GLIS3: variants seen among roughly 807,000 people sequenced by gnomAD.
GLIS3 encodes the protein GLIS family zinc finger 3.
A neutral mutation model predicts 78.6 loss-of-function variants in GLIS3; 53 were observed. The observed-to-expected ratio is 0.67, with a 90% CI of 0.54 to 0.85. GLIS3 has a LOEUF of 0.85. Among genes scored for constraint, GLIS3 ranks in the 40% least tolerant of loss-of-function variants. The pLI is 0.00. For synonymous variants in GLIS3, 684 were observed against 509.9 expected (o/e 1.34, Z -4.60); for missense variants, 1,703 against 1,231.1 (o/e 1.38, Z -5.74).
At position 4,125,955 on chromosome 9, in the gene GLIS3, A is replaced by T. The variant is rs1243894565; in HGVS notation, c.389-14T>A. ...AGCCAAGAGCCCCTAAAAACAAATG[A>T]ATCAGGTTAGCTTTCATGTCCCTTA... is the stretch of plus-strand genomic sequence containing the variant. On this transcript the variant is annotated splice_polypyrimidine_tract_variant and intron_variant, in intron 2 of 10. Coordinates refer to ENST00000381971, the MANE Select transcript of GLIS3 (RefSeq NM_001042413.2). 1.2e-6 allele frequency: 2 copies of T among 1,605,960 alleles called. No homozygotes were observed. Among genetic ancestry groups the T allele is most frequent in the East Asian group, 4.5e-5 (2 of 44,840 alleles).
intron 2 of GLIS3, among the ~76,000 whole-genome samples, chr9:4,207,964 G>C (rs1326595707): frequency 6.6e-6 from 1 of 152,166 alleles, no homozygotes; most frequent in Non-Finnish European, 1.5e-5. Flanking sequence ...CTGGAACCAC[G>C]TTGGGGGTAG....
chr9:4,322,246 T>C (rs906928406), intron 2 of GLIS3, among the ~76,000 whole-genome samples: 3 of 152,210 alleles, frequency 2.0e-5, no homozygotes, highest in Non-Finnish European at 4.4e-5. Flanking sequence ...CCATGGTGTA[T>C]ATGTGCCACA....
chr9:4,382,657 C>T, the GLIS3 span, among the ~76,000 whole-genome samples: 1 of 152,176 alleles, frequency 6.6e-6, no homozygotes, highest in Non-Finnish European at 1.5e-5. Flanking sequence ...AGGCCCTTCT[C>T]CTTGTCCTAA....
intron 2 of GLIS3, among the ~76,000 whole-genome samples, chr9:4,321,263 A>AT (rs1817521294): frequency 7.8e-6 from 1 of 128,710 alleles, no homozygotes. Context: ...TACTAAAAAT[A>AT]CAAAAAAAAT....
intron 4 of GLIS3, among the ~76,000 whole-genome samples, chr9:4,003,721 T>C (rs755824275): frequency 7.2e-5 from 11 of 152,212 alleles, no homozygotes; most frequent in Non-Finnish European, 1.3e-4. Flanking sequence ...TCCAGGGAGC[T>C]GGAGAATCCA....
chr9:3,978,343 T>C (rs1740998364), intron 4 of GLIS3, among the ~76,000 whole-genome samples: 2 of 152,140 alleles, frequency 1.3e-5, no homozygotes, highest in Admixed American at 6.5e-5. Flanking sequence ...ATAGAAACTA[T>C]TACTATATTG....
At chr9:4,312,224 T>G (rs1381529364) in intron 2 of GLIS3, among the ~76,000 whole-genome samples, 2 of 152,224 alleles carry the variant, frequency 1.3e-5, no homozygotes, top group African/African-American at 4.8e-5. Context: ...TCCCAGCATT[T>G]TGGGAGGCCA....
intron 4 of GLIS3, among the ~76,000 whole-genome samples, chr9:4,045,069 A>G (rs565037563): frequency 2.6e-5 from 4 of 152,330 alleles, no homozygotes; most frequent in African/African-American, 9.6e-5. Context: ...AAGTCACTCA[A>G]CTGCAGCCAA....
Position 4,279,348 on chromosome 9 carries a change from C to G in GLIS3, c.388+6690G>C, listed in dbSNP as rs112525937. Among the ~76,000 whole-genome samples the G allele has an allele frequency of 7.5e-3, 486 of 64,844 alleles. 10 individuals are homozygous for G. Among genetic ancestry groups the G allele is most frequent in the African/African-American group, 0.02 (432 of 21,146 alleles). The allele number at this position is 64,844 out of a possible 152,430, so 42.5% of individuals were successfully genotyped here. Reference sequence around the variant, plus strand: ...ATACACACACACACACACACACACACACACACACACACACATAATACATAT... The same window carrying G: ...ATACACACACACACACACACACACAGACACACACACACACATAATACATAT... On this transcript the variant is annotated intron_variant, in intron 2 of 10. Coordinates refer to ENST00000381971, the MANE Select transcript of GLIS3 (RefSeq NM_001042413.2).
chr9:4,002,491 G>A (rs994471128), intron 4 of GLIS3, among the ~76,000 whole-genome samples: 1 of 152,122 alleles, frequency 6.6e-6, no homozygotes, highest in Non-Finnish European at 1.5e-5. Context: ...ATTGTTCTAG[G>A]CCCTACATAA....
chr9:4,456,399 G>T, the GLIS3 span, among the ~76,000 whole-genome samples: 1 of 152,136 alleles, frequency 6.6e-6, no homozygotes, highest in African/African-American at 2.4e-5. Flanking sequence ...TTTCACAAAA[G>T]CTTTCTCTAG....
At chr9:3,899,893 C>T (rs547585095) in intron 6 of GLIS3, among the ~76,000 whole-genome samples, 3 of 152,048 alleles carry the variant, frequency 2.0e-5, no homozygotes, top group Non-Finnish European at 2.9e-5. Flanking sequence ...AAAAGTGATG[C>T]GGAGAAGCGA....
intron 2 of GLIS3, among the ~76,000 whole-genome samples, chr9:4,190,169 C>G (rs1818205154): frequency 6.6e-6 from 1 of 152,208 alleles, no homozygotes; most frequent in African/African-American, 2.4e-5. Flanking sequence ...AGCAACGGAA[C>G]AAAGCTGGAC....
intron 2 of GLIS3, among the ~76,000 whole-genome samples, chr9:4,149,411 T>C (rs1834493699): frequency 6.6e-6 from 1 of 152,144 alleles, no homozygotes; most frequent in Admixed American, 6.5e-5. Flanking sequence ...TCATTCATAT[T>C]CCCTTAACCA....
chr9:4,194,943 T>C (rs952671097), intron 2 of GLIS3, among the ~76,000 whole-genome samples: 13 of 152,332 alleles, frequency 8.5e-5, no homozygotes, highest in African/African-American at 2.6e-4. Flanking sequence ...AAGTCAGTCA[T>C]TCTGTGACAA....
chr9:4,358,172 A>T, the GLIS3 span, among the ~76,000 whole-genome samples: 1 of 152,208 alleles, frequency 6.6e-6, no homozygotes, highest in Non-Finnish European at 1.5e-5. Context: ...ATATGCAAAG[A>T]AAATTTCCAG....
At chr9:3,842,382 G>T (rs780094844) in intron 9 of GLIS3, among the ~76,000 whole-genome samples, 5 of 152,194 alleles carry the variant, frequency 3.3e-5, no homozygotes, top group African/African-American at 4.8e-5. Context: ...TGACGCAGAA[G>T]AATTGCTTGA....
chr9:4,084,256 A>ACACACAC (rs1828812518), intron 4 of GLIS3, among the ~76,000 whole-genome samples: 2 of 132,202 alleles, frequency 1.5e-5, no homozygotes, highest in African/African-American at 5.5e-5. Context: ...TCCTCTCTCT[A>ACACACAC]ACACACACAC....
chr9:4,293,574 A>G (rs1563911237), intron 1 of GLIS3, among the ~76,000 whole-genome samples: 1 of 152,254 alleles, frequency 6.6e-6, no homozygotes, highest in African/African-American at 2.4e-5. Flanking sequence ...GTCATGCTGA[A>G]AAGGTTGGGA....
Sources: gnomAD v4.1 joint callset for allele counts (sites outside exome capture counted in the v4.1 genomes callset) on GRCh38, gnomAD v4.1.1 for gene constraint, MANE v1.5 for transcripts, NCBI Gene and HGNC (gene_info 2026-07-23, HGNC 2026-07-21) for gene names.